The following NDUFC1 variants were observed in gnomAD, a reference collection of about 807,000 sequenced individuals.
The protein encoded by NDUFC1 is NADH dehydrogenase [ubiquinone] 1 subunit C1, mitochondrial.
In NDUFC1, 11 loss-of-function variants were observed where a neutral mutation model predicts 11.6. The observed-to-expected ratio is 0.95, with a 90% CI of 0.60 to 1.58. NDUFC1 has a LOEUF of 1.58. Among genes scored for constraint, NDUFC1 ranks in the 40% most tolerant of loss-of-function variants. The pLI, the probability that NDUFC1 is intolerant of heterozygous loss-of-function variation, is 0.00. For synonymous variants in NDUFC1, 52 were observed against 42.2 expected (o/e 1.23, Z -0.90); for missense variants, 112 against 93.0 (o/e 1.20, Z -0.84).
chr4:139,295,646 C>G, intron 3 of NDUFC1, 86 bp downstream of exon 3: 1 of 1,430,758 alleles, frequency 7.0e-7, no homozygotes, highest in Non-Finnish European at 9.3e-7. Flanking sequence ...ACCCGGGCCG[C>G]TGCCGCCTCC....
intron 1 of NDUFC1, chr4:139,301,475 G>A (rs1002148422): frequency 2.2e-5 from 10 of 457,292 alleles, no homozygotes; most frequent in African/African-American, 1.2e-4. Context: ...GCGTGACCCG[G>A]GTGGGAAAAC....
intron 5 of NDUFC1, among the ~76,000 whole-genome samples, chr4:139,291,486 A>G (rs950763838): frequency 4.6e-5 from 7 of 151,640 alleles, no homozygotes; most frequent in African/African-American, 1.7e-4. Flanking sequence ...GAGGCAGGAG[A>G]ATTGCTTGAA....
chr4:139,294,919 A>G, intron 4 of NDUFC1, 124 bp downstream of exon 4: 2 of 650,062 alleles, frequency 3.1e-6, no homozygotes, highest in South Asian at 1.9e-5. Context: ...TTATATAAAT[A>G]TCCTACTGTT....
At chr4:139,293,081 A>G (rs146186156) in intron 4 of NDUFC1, among the ~76,000 whole-genome samples, 1 of 152,124 alleles carries the variant, frequency 6.6e-6, no homozygotes, top group African/African-American at 2.4e-5. Flanking sequence ...CGGCCTCCCA[A>G]AGTGTTGGGA....
At chr4:139,299,065 G>A (rs770431116) in intron 1 of NDUFC1, among the ~76,000 whole-genome samples, 8 of 152,048 alleles carry the variant, frequency 5.3e-5, no homozygotes, top group Non-Finnish European at 8.8e-5. Flanking sequence ...CACCTCCCAG[G>A]TTCAAGCGAT....
At chr4:139,296,778 C>A (rs954935698) in intron 2 of NDUFC1, among the ~76,000 whole-genome samples, 3 of 152,136 alleles carry the variant, frequency 2.0e-5, no homozygotes, top group Non-Finnish European at 4.4e-5. Flanking sequence ...GTCTAAAGAC[C>A]AGTAAAAATA....
At chr4:139,299,681 G>C (rs1745623706) in intron 1 of NDUFC1, among the ~76,000 whole-genome samples, 1 of 152,132 alleles carries the variant, frequency 6.6e-6, no homozygotes. Flanking sequence ...ATTTTAACTA[G>C]CAAATGAATC....
chr4:139,294,683 C>T (rs1418426723), intron 4 of NDUFC1, among the ~76,000 whole-genome samples: 2 of 149,418 alleles, frequency 1.3e-5, no homozygotes, highest in East Asian at 2.0e-4. Context: ...TTCAGTGAGC[C>T]GAGATCACGC....
At chr4:139,291,290 G>A (rs1745206050) in intron 5 of NDUFC1, among the ~76,000 whole-genome samples, 1 of 151,656 alleles carries the variant, frequency 6.6e-6, no homozygotes, top group Non-Finnish European at 1.5e-5. Flanking sequence ...AAAATTGATT[G>A]CTCTGGCCAG....
chr4:139,301,699 C>G (rs2110799564), intron 1 of NDUFC1: 1 of 1,493,128 alleles, frequency 6.7e-7, no homozygotes, highest in Admixed American at 2.0e-5. Context: ...GAAGCAGCTA[C>G]GGAACGGCAG....
chr4:139,300,578 T>C (rs1003920715), intron 1 of NDUFC1: 3 of 152,154 alleles, frequency 2.0e-5, no homozygotes, highest in African/African-American at 7.2e-5. Flanking sequence ...AGTTTTACGG[T>C]CAGCTGTTAA....
At chr4:139,297,593 G>A (rs1369898282) in intron 1 of NDUFC1, 150 bp from the exon 2 acceptor site, 1 of 152,170 alleles carries the variant, frequency 6.6e-6, no homozygotes, top group Non-Finnish European at 1.5e-5. Flanking sequence ...GAGAGGATTT[G>A]AGTTAGCAGC....
At chr4:139,294,994 C>T in intron 4 of NDUFC1, 49 bp downstream of exon 4, 6 of 1,405,728 alleles carry the variant, frequency 4.3e-6, no homozygotes, top group Non-Finnish European at 6.1e-6. Context: ...TATGTCATTC[C>T]CTTACCACGC....
intron 1 of NDUFC1, among the ~76,000 whole-genome samples, chr4:139,298,993 G>A (rs1004969107): frequency 6.6e-6 from 1 of 150,828 alleles, no homozygotes; most frequent in Non-Finnish European, 1.5e-5. Context: ...TTTTTGAGAT[G>A]TAGTCTCACT....
chr4:139,295,205 T>G, intron 3 of NDUFC1, 59 bp from the exon 4 acceptor site: 1 of 1,320,472 alleles, frequency 7.6e-7, no homozygotes, highest in Non-Finnish European at 1.1e-6. Context: ...GAAAAAACCC[T>G]AACATTTACG....
intron 1 of NDUFC1, among the ~76,000 whole-genome samples, chr4:139,298,084 G>T (rs1745539121): frequency 6.6e-6 from 1 of 151,536 alleles, no homozygotes; most frequent in African/African-American, 2.4e-5. Context: ...CAAAACAAAA[G>T]AAAAAAACCA....
intron 1 of NDUFC1, among the ~76,000 whole-genome samples, chr4:139,297,909 T>C (rs764448186): frequency 6.6e-6 from 1 of 152,004 alleles, no homozygotes; most frequent in African/African-American, 2.4e-5. Flanking sequence ...TACAAAATGA[T>C]TTTTTAAAAA....
intron 3 of NDUFC1, 145 bp downstream of exon 3, chr4:139,295,587 C>A: frequency 1.2e-6 from 1 of 809,826 alleles, no homozygotes; most frequent in Non-Finnish European, 1.9e-6. Flanking sequence ...AGGGGACAGG[C>A]GTGGGCTGGG....
rs1427097329 is a variant in NDUFC1 at position 139,302,452 on chromosome 4, C to T, written c.-258G>A. 1 of 152,380 alleles carries T rather than the reference C, an allele frequency of 6.6e-6. No individual in the cohort carries two copies. The highest frequency in any genetic ancestry group is 1.9e-4 in the East Asian group (1 of 5,188). The allele number at this position is 152,380 out of a possible 1,614,324, so 9.4% of individuals were successfully genotyped here. A position where few individuals can be genotyped will look rare whatever the true frequency, so the allele number is the denominator to read the frequency against. The stretch of plus-strand genomic sequence containing the variant: ...CAGTTGCATACTGGAGTCTTCAGCT[C>T]CTCTGCCTCCGTTGTTCTCGTTTCT... On this transcript the variant is annotated 5_prime_UTR_variant, in exon 1 of 6. Transcript: ENST00000394223.
Sources: allele counts gnomAD v4.1 joint callset (sites outside exome capture counted in the v4.1 genomes callset), GRCh38; gene constraint gnomAD v4.1.1; transcripts MANE v1.5; gene names NCBI Gene and HGNC (gene_info 2026-07-23, HGNC 2026-07-21).